The following CDK12 variants were observed in gnomAD, a reference collection of about 807,000 sequenced individuals.
CDK12 encodes cyclin dependent kinase 12.
CDK12 carries 17 observed loss-of-function variants against 133.8 expected under a neutral mutation model. The observed-to-expected ratio is 0.13, with a 90% CI of 0.09 to 0.19. The LOEUF is 0.19. Among genes scored for constraint, CDK12 ranks in the 10% least tolerant of loss-of-function variants. CDK12 has a pLI of 1.00. For synonymous variants in CDK12, 694 were observed against 683.6 expected, an observed-to-expected ratio of 1.02 and a Z score of -0.24; for missense variants, 1,508 against 1,818.7, an observed-to-expected ratio of 0.83 and a Z score of 3.11.
chr17:39,540,201 G>A (rs1415005548), intron 1 of CDK12, among the ~76,000 whole-genome samples: 1 of 152,260 alleles, frequency 6.6e-6, no homozygotes, highest in African/African-American at 2.4e-5. Flanking sequence ...CAGCTTGGAT[G>A]TGAGGAGAGG....
chr17:39,492,708 C>CAAT (rs2051739544), intron 3 of CDK12, 43 bp from the exon 4 acceptor site: 1 of 1,539,896 alleles, frequency 6.5e-7, no homozygotes, highest in African/African-American at 1.4e-5. Flanking sequence ...CGCGCCCGGC[C>CAAT]TTCATTTTCT....
chr17:39,523,562 T>C (rs2054311467), intron 11 of CDK12, among the ~76,000 whole-genome samples: 1 of 152,240 alleles, frequency 6.6e-6, no homozygotes, highest in Non-Finnish European at 1.5e-5. Flanking sequence ...GAGGTCATTT[T>C]CTTAAGAAAG....
At chr17:39,538,904 A>AATAAATAAATACATACATAC (rs778096927), downstream of CDK12, among the ~76,000 whole-genome samples, 1 of 144,886 alleles carries the variant, frequency 6.9e-6, no homozygotes, top group Non-Finnish European at 1.5e-5. Context: ...ATCTCAAATA[A>AATAAATAAATACATACATAC]ATACATACAT....
intron 8 of CDK12, 54 bp downstream of exon 8, chr17:39,511,684 T>C: frequency 8.5e-7 from 1 of 1,178,744 alleles, no homozygotes; most frequent in Non-Finnish European, 1.3e-6. Context: ...TGTTGACTTG[T>C]ACTTTGTTTT....
chr17:39,487,580 ATT>A (rs921846896), intron 2 of CDK12, among the ~76,000 whole-genome samples: 1 of 77,556 alleles, frequency 1.3e-5, no homozygotes, highest in East Asian at 3.3e-4. Context: ...TAGATGTCTT[ATT>A]TTTTCTGAGG....
Position 39,487,607 on chromosome 17 carries a change from ATTT to A in CDK12, c.1932-2925_1932-2923del, listed in dbSNP as rs887590343. On this transcript the variant is annotated intron_variant, in intron 2 of 13. Coordinates refer to ENST00000447079, the MANE Select transcript of CDK12 (RefSeq NM_016507.4). ...TTTTTCTGAGGATGTGCATGACACA[ATTT>A]TTTTTTTTTTTTTTTTTTTTTTTTG... Among the ~76,000 whole-genome samples the A allele has an allele frequency of 7.1e-3, 683 of 96,322 alleles. 7 individuals are homozygous for A. The highest frequency in any genetic ancestry group is 0.028 in the African/African-American group (642 of 22,712). 63.2% of individuals were successfully genotyped at this position (96,322 alleles called of 152,430 possible).
chr17:39,566,043 A>G (rs1275638300), downstream of CDK12, among the ~76,000 whole-genome samples: 4 of 152,200 alleles, frequency 2.6e-5, no homozygotes, highest in Non-Finnish European at 5.9e-5. Context: ...ATCCCAGGTT[A>G]TTATCCACTT....
At chr17:39,544,516 C>T (rs771710963), upstream of CDK12, among the ~76,000 whole-genome samples, 65 of 150,996 alleles carry the variant, frequency 4.3e-4, no homozygotes, top group Non-Finnish European at 6.2e-4. Flanking sequence ...CTCACTCTGC[C>T]GCCCAAGCTG....
chr17:39,476,876 C>A (rs570913339), intron 2 of CDK12, among the ~76,000 whole-genome samples: 2 of 150,966 alleles, frequency 1.3e-5, no homozygotes, highest in Non-Finnish European at 2.9e-5. Flanking sequence ...TGCCCACCAC[C>A]ACGCCTGGCT....
At chr17:39,518,591 G>A (rs1474778014) in intron 10 of CDK12, among the ~76,000 whole-genome samples, 1 of 151,582 alleles carries the variant, frequency 6.6e-6, no homozygotes, top group Non-Finnish European at 1.5e-5. Flanking sequence ...ATATTTTTGT[G>A]TGTGTCACCC....
intron 7 of CDK12, among the ~76,000 whole-genome samples, chr17:39,510,251 C>T (rs2053411938): frequency 6.6e-6 from 1 of 151,066 alleles, no homozygotes; most frequent in Non-Finnish European, 1.5e-5. Context: ...TCCCGAGTAG[C>T]TGGTATTACA....
chr17:39,493,154 C>T (rs1470084536), intron 4 of CDK12, among the ~76,000 whole-genome samples: 1 of 139,376 alleles, frequency 7.2e-6, no homozygotes, highest in African/African-American at 2.5e-5. Context: ...CAACCACACT[C>T]GACTAATTTT....
chr17:39,508,804 A>G (rs1009919607), intron 6 of CDK12, among the ~76,000 whole-genome samples: 1 of 152,082 alleles, frequency 6.6e-6, no homozygotes, highest in Non-Finnish European at 1.5e-5. Context: ...AGACCAGCCT[A>G]GGCAACATAG....
intron 3 of CDK12, among the ~76,000 whole-genome samples, 154 bp downstream of exon 3, chr17:39,490,887 C>T (rs2051540155): frequency 6.6e-6 from 1 of 152,136 alleles, no homozygotes; most frequent in Non-Finnish European, 1.5e-5. Context: ...AAAAGCCTTT[C>T]TTGGAGACTC....
At chr17:39,503,316 G>A (rs2052863004) in intron 6 of CDK12, among the ~76,000 whole-genome samples, 2 of 152,108 alleles carry the variant, frequency 1.3e-5, no homozygotes, top group African/African-American at 2.4e-5. Flanking sequence ...CAAGTGATCT[G>A]CCCCACTTGG....
At chr17:39,468,772 G>A (rs1234563900) in intron 1 of CDK12, among the ~76,000 whole-genome samples, 3 of 151,640 alleles carry the variant, frequency 2.0e-5, no homozygotes, top group Non-Finnish European at 4.4e-5. Context: ...ACAGTGCCCG[G>A]CACTTTTAAT....
chr17:39,470,171 G>A (rs1395412112), intron 1 of CDK12, among the ~76,000 whole-genome samples: 1 of 147,628 alleles, frequency 6.8e-6, no homozygotes, highest in African/African-American at 2.5e-5. Flanking sequence ...TCACTCTGTC[G>A]CCCAGGCTGG....
intron 5 of CDK12, among the ~76,000 whole-genome samples, chr17:39,495,795 A>C (rs1024120075): frequency 7.1e-6 from 1 of 140,146 alleles, no homozygotes; most frequent in African/African-American, 2.7e-5. Flanking sequence ...ACTCCGCCTC[A>C]AAAAAAAAAA....
At chr17:39,539,801 TAAAG>T (rs774314339) in intron 1 of CDK12, among the ~76,000 whole-genome samples, 36 of 151,902 alleles carry the variant, frequency 2.4e-4, no homozygotes, top group African/African-American at 9.7e-5. Flanking sequence ...TATTTGAAAA[TAAAG>T]AAGATAGGGG....
Sources: allele counts gnomAD v4.1 joint callset (sites outside exome capture counted in the v4.1 genomes callset), GRCh38; gene constraint gnomAD v4.1.1; transcripts MANE v1.5; gene names NCBI Gene and HGNC (gene_info 2026-07-23, HGNC 2026-07-21).